SPATA13: variants seen among roughly 807,000 people sequenced by gnomAD.
The protein encoded by SPATA13 is spermatogenesis-associated protein 13.
A neutral mutation model predicts 104.0 loss-of-function variants in SPATA13; 50 were observed. That is an observed-to-expected ratio of 0.48 (90% CI 0.38 to 0.61). The LOEUF (loss-of-function observed/expected upper bound fraction) is 0.61, where lower values mean the gene tolerates loss of function less well. SPATA13 is among the 20% of genes least tolerant of loss of function. The pLI, the probability that SPATA13 is intolerant of heterozygous loss-of-function variation, is 0.00. For synonymous variants in SPATA13, 606 were observed against 667.5 expected (o/e 0.91, Z 1.42); for missense variants, 1,524 against 1,690.6 (o/e 0.90, Z 1.73).
At chr13:24,148,769 C>T (rs1882011497) in intron 3 of SPATA13, among the ~76,000 whole-genome samples, 1 of 152,190 alleles carries the variant, frequency 6.6e-6, no homozygotes, top group African/African-American at 2.4e-5. Context: ...TAAACAGGAG[C>T]ATTCTGTCCT....
chr13:24,028,785 T>G (rs1319220787), intron 3 of SPATA13, among the ~76,000 whole-genome samples: 1 of 152,222 alleles, frequency 6.6e-6, no homozygotes, highest in Non-Finnish European at 1.5e-5. Flanking sequence ...GTGTGTAATC[T>G]GCTATTTAAC....
rs142300800 is a variant in SPATA13, at chr13:24,286,928, A to G, written c.2645A>G (p.Lys882Arg). Residue 882 changes from lysine (K) to arginine (R), a missense_variant, in exon 7 of 13, where the codon AAA (lysine) becomes AGA (arginine). This residue lies in a region of SPATA13 where 435 missense variants were observed against 554.8 expected (regional missense o/e 0.78). Transcript: ENST00000382108. The surrounding 1 kb of genome is among the most constrained non-coding windows in gnomAD (Gnocchi z 4.9). ...ATGGACACCGAGCGGGTGTACATCA[A>G]ACACCTCAGGGACATCTGTGAGGTG... ...EIMDTERVYI[K>R]HLRDICEGYI... 3.5e-5 allele frequency: 57 copies of G among 1,613,640 alleles called. No homozygotes were observed. The highest frequency in any genetic ancestry group is 1.9e-4 in the African/African-American group (14 of 74,944).
At chr13:24,170,250 T>TA (rs200917406) in intron 1 of SPATA13, among the ~76,000 whole-genome samples, 1,930 of 152,328 alleles carry the variant, frequency 0.013, 19 homozygotes, top group Non-Finnish European at 0.02. Context: ...GGGCTACTTT[T>TA]AAGCCTGCTG....
chr13:24,139,231 C>T (rs1420540567), intron 3 of SPATA13, among the ~76,000 whole-genome samples: 2 of 152,142 alleles, frequency 1.3e-5, no homozygotes, highest in Non-Finnish European at 2.9e-5. Flanking sequence ...TTCCCCTCCT[C>T]TTATAAGGAC....
chr13:24,102,004 A>C (rs974125548), intron 3 of SPATA13, among the ~76,000 whole-genome samples: 4 of 152,234 alleles, frequency 2.6e-5, no homozygotes, highest in Non-Finnish European at 5.9e-5. Context: ...ACCCAGAAGT[A>C]GGATTGTTGG....
At chr13:24,174,974 CTGTT>C in intron 1 of SPATA13, among the ~76,000 whole-genome samples, 1 of 152,132 alleles carries the variant, frequency 6.6e-6, no homozygotes, top group Non-Finnish European at 1.5e-5. Flanking sequence ...TGTTAACTTT[CTGTT>C]ACTGATTTCT....
chr13:24,287,674 A>T (rs1876054753), intron 7 of SPATA13, among the ~76,000 whole-genome samples: 1 of 152,216 alleles, frequency 6.6e-6, no homozygotes, highest in African/African-American at 2.4e-5. Flanking sequence ...TGCTGGTTTT[A>T]TATTGGTCAT....
In SPATA13 at chr13:24,072,735, G is replaced by A. The variant is rs533841897; in HGVS notation, c.-112+55034G>A. Among the ~76,000 whole-genome samples, 52 of 151,576 alleles carry A rather than the reference G, an allele frequency of 3.4e-4. No individual in the cohort carries two copies. The Middle Eastern group carries it at 0.014, about 40-fold the overall frequency. ...AATCTCATCACTTCTGTGCACCTAC[G>A]ATGCCCTTGGAGCCTCTCCTCCCTC... On this transcript the variant is annotated intron_variant, in intron 3 of 14. Transcript: ENST00000424834.
At chr13:24,109,858 C>T (rs1248517382) in intron 3 of SPATA13, among the ~76,000 whole-genome samples, 1 of 151,834 alleles carries the variant, frequency 6.6e-6, no homozygotes, top group East Asian at 1.9e-4. Flanking sequence ...CCATCACCAC[C>T]TGTTTCCTTG....
intron 2 of SPATA13, among the ~76,000 whole-genome samples, chr13:24,000,056 TA>T (rs1875884141): frequency 6.6e-6 from 1 of 152,196 alleles, no homozygotes; most frequent in Non-Finnish European, 1.5e-5. Context: ...ATATGCATAT[TA>T]AAACCACACA....
chr13:24,063,808 G>A (rs1424475123), intron 3 of SPATA13, among the ~76,000 whole-genome samples: 1 of 152,090 alleles, frequency 6.6e-6, no homozygotes, highest in African/African-American at 2.4e-5. Flanking sequence ...TCTCTTAGTC[G>A]CTGTCCTGAA....
rs1352065048 is a variant in SPATA13 at position 24,161,708 on chromosome 13, G to A, written c.-112+776G>A. Among the ~76,000 whole-genome samples the A allele has an allele frequency of 6.6e-6, 1 of 152,190 alleles. No homozygotes were observed. Among genetic ancestry groups the A allele is most frequent in the East Asian group, 1.9e-4 (1 of 5,184 alleles). ...CCAAGTGCAGGAAAACCAAACCAAA[G>A]CAAGCAAACAAAACCCTGTGGGTCA... is the stretch of plus-strand genomic sequence containing the variant. On this transcript the variant is annotated intron_variant, in intron 1 of 12. Transcript: ENST00000382108. This position sits in a 1 kb window ranked among gnomAD's most constrained non-coding sequence, Gnocchi z 4.5.
At chr13:24,173,881 G>A (rs1883104012) in intron 1 of SPATA13, among the ~76,000 whole-genome samples, 1 of 152,124 alleles carries the variant, frequency 6.6e-6, no homozygotes, top group Admixed American at 6.5e-5. Context: ...GTTTTGTTAA[G>A]CATTTTTGTG....
At chr13:24,171,822 C>A (rs1377843370) in intron 1 of SPATA13, among the ~76,000 whole-genome samples, 1 of 152,162 alleles carries the variant, frequency 6.6e-6, no homozygotes, top group Non-Finnish European at 1.5e-5. Context: ...ACATCTGACA[C>A]AGAAGAGGCA....
chr13:24,177,405 T>G (rs1868498415), intron 1 of SPATA13, among the ~76,000 whole-genome samples: 1 of 152,216 alleles, frequency 6.6e-6, no homozygotes. Context: ...GAATGCCTGC[T>G]TTCTGGTTTA....
chr13:23,997,589 A>C (rs1875756834), intron 2 of SPATA13, among the ~76,000 whole-genome samples: 1 of 152,166 alleles, frequency 6.6e-6, no homozygotes, highest in Non-Finnish European at 1.5e-5. Context: ...GGTAATTTAT[A>C]AAGAGGAGGT....
intron 3 of SPATA13, among the ~76,000 whole-genome samples, chr13:24,108,452 C>CT (rs1438830878): frequency 1.3e-5 from 2 of 152,174 alleles, no homozygotes; most frequent in African/African-American, 4.8e-5. Flanking sequence ...GGTGCGTGGG[C>CT]TTTGAGGAGT....
intron 2 of SPATA13, among the ~76,000 whole-genome samples, chr13:23,992,438 C>A (rs146802838): frequency 1.5e-3 from 224 of 152,284 alleles, no homozygotes; most frequent in Non-Finnish European, 1.5e-3. Flanking sequence ...GGATACAGAC[C>A]ATTGCAGGTG....
At chr13:24,173,470 C>A (rs982535505) in intron 1 of SPATA13, among the ~76,000 whole-genome samples, 5 of 148,802 alleles carry the variant, frequency 3.4e-5, no homozygotes, top group African/African-American at 9.9e-5. Context: ...TTATTTCTTT[C>A]TTTCCCATCC....
Sources: allele counts gnomAD v4.1 joint callset (sites outside exome capture counted in the v4.1 genomes callset), GRCh38; gene constraint gnomAD v4.1.1; regional missense constraint gnomAD v4.1.1; non-coding constraint Gnocchi (gnomAD v3.1); transcripts MANE v1.5; gene names NCBI Gene and HGNC (gene_info 2026-07-23, HGNC 2026-07-21).